Variants in TAOK3 observed in about 807,000 individuals in gnomAD.
TAOK3 encodes the protein TAO kinase 3.
TAOK3 carries 40 observed loss-of-function variants against 120.4 expected under a neutral mutation model. The observed-to-expected ratio is 0.33, with a 90% CI of 0.26 to 0.43. The LOEUF is 0.43. TAOK3 is among the 20% of genes least tolerant of loss of function. TAOK3 has a pLI of 1.00. For synonymous variants in TAOK3, 355 were observed against 387.5 expected, an observed-to-expected ratio of 0.92 and a Z score of 0.99; for missense variants, 821 against 1,112.1, an observed-to-expected ratio of 0.74 and a Z score of 3.72.
Position 118,210,133 on chromosome 12 carries a change from A to G in TAOK3, c.819+2781T>C, listed in dbSNP as rs564018799. ...TTGGGGAGGGGCCTCTTTAAATTCA[A>G]TATTTACCATCAGCCCTTTTACCAG... On this transcript the variant is annotated intron_variant, in intron 11 of 20. Coordinates refer to ENST00000392533, the MANE Select transcript of TAOK3 (RefSeq NM_016281.4). Among the ~76,000 whole-genome samples, 33 of 152,276 alleles carry G rather than the reference A, an allele frequency of 2.2e-4. No individual in the cohort carries two copies. The South Asian group carries it at 5.8e-3, about 27-fold the overall frequency.
intron 1 of TAOK3, among the ~76,000 whole-genome samples, chr12:118,318,200 C>T (rs1182390387): frequency 6.6e-6 from 1 of 150,402 alleles, no homozygotes; most frequent in African/African-American, 2.5e-5. Context: ...GCTCTGTCAC[C>T]AGGCTGGAGC....
intron 1 of TAOK3, among the ~76,000 whole-genome samples, chr12:118,353,567 C>A (rs1339052533): frequency 1.3e-5 from 2 of 151,880 alleles, no homozygotes; most frequent in African/African-American, 4.8e-5. Context: ...GAGTGACATG[C>A]TAGAAGTAGC....
At chr12:118,153,055 C>T (rs2034562852) in intron 19 of TAOK3, among the ~76,000 whole-genome samples, 2 of 152,134 alleles carry the variant, frequency 1.3e-5, no homozygotes, top group South Asian at 4.1e-4. Flanking sequence ...GTAATGTTGG[C>T]ACCTATTGTT....
chr12:118,286,756 G>T (rs549210806), intron 1 of TAOK3, among the ~76,000 whole-genome samples: 8 of 152,154 alleles, frequency 5.3e-5, no homozygotes, highest in Non-Finnish European at 1.0e-4. Flanking sequence ...TATACAAAAA[G>T]ATATTTGCAC....
intron 1 of TAOK3, among the ~76,000 whole-genome samples, chr12:118,338,728 A>C (rs2044470262): frequency 7.4e-6 from 1 of 135,338 alleles, no homozygotes; most frequent in African/African-American, 2.8e-5. Flanking sequence ...CAGAGGTTGC[A>C]GTGAGCCAAG....
At chr12:118,174,619 G>A (rs867917444) in intron 16 of TAOK3, among the ~76,000 whole-genome samples, 19 of 152,150 alleles carry the variant, frequency 1.2e-4, no homozygotes, top group African/African-American at 4.6e-4. Context: ...CAGTGGATGA[G>A]TGGACGCGTG....
In TAOK3 at chr12:118,358,439, TAGG is replaced by T. The variant is rs531464306; in HGVS notation, c.-194+14206_-194+14208del. On this transcript the variant is annotated intron_variant, in intron 1 of 20. Coordinates refer to ENST00000392533, the MANE Select transcript of TAOK3 (RefSeq NM_016281.4). Reference sequence around the variant, plus strand: ...TTCCCTTTCTGTGAATGAAGAAAAATAGGAGGCAGGCTTGTTACTTTTAAAGAT... The same window carrying T: ...TTCCCTTTCTGTGAATGAAGAAAAATAGGCAGGCTTGTTACTTTTAAAGAT... 3.5e-4 allele frequency among the ~76,000 whole-genome samples: 53 copies of T among 152,302 alleles called. 1 individual carries two copies. In the South Asian group the frequency reaches 3.5e-3, roughly 10 times the overall value.
At chr12:118,171,199 A>G (rs1046434434) in intron 17 of TAOK3, among the ~76,000 whole-genome samples, 7 of 152,226 alleles carry the variant, frequency 4.6e-5, no homozygotes, top group Non-Finnish European at 8.8e-5. Context: ...AGGATTAACT[A>G]TCAGTTCTGA....
At chr12:118,222,836 C>T (rs1487270860) in intron 9 of TAOK3, among the ~76,000 whole-genome samples, 1 of 152,042 alleles carries the variant, frequency 6.6e-6, no homozygotes, top group Non-Finnish European at 1.5e-5. Flanking sequence ...GTACAGTACT[C>T]AGGTGACAAG....
At position 118,371,051 on chromosome 12, in the gene TAOK3, A is replaced by G. The variant is rs2045877858; in HGVS notation, c.-194+1597T>C. Among the ~76,000 whole-genome samples the G allele has an allele frequency of 6.6e-6, 1 of 152,254 alleles. No homozygotes were observed. Among genetic ancestry groups the G allele is most frequent in the Non-Finnish European group, 1.5e-5 (1 of 68,046 alleles). On this transcript the variant is annotated intron_variant, in intron 1 of 20. Coordinates refer to ENST00000392533, the MANE Select transcript of TAOK3 (RefSeq NM_016281.4). The surrounding 1 kb of genome is among the most constrained non-coding windows in gnomAD (Gnocchi z 5.5). ...CCAACAGATCAAAGTTAAACAGTCC[A>G]GATTCCAAACCTAGTATAGTTCCTT...
chr12:118,311,901 C>A (rs1018987190), intron 1 of TAOK3, among the ~76,000 whole-genome samples: 3 of 151,888 alleles, frequency 2.0e-5, no homozygotes, highest in African/African-American at 7.3e-5. Context: ...CATGATTTGG[C>A]AGAAGTCAAG....
chr12:118,179,914 G>C (rs149282307), intron 15 of TAOK3, among the ~76,000 whole-genome samples: 2,252 of 149,814 alleles, frequency 0.015, 58 homozygotes, highest in African/African-American at 0.052. Context: ...CCAAAGTGCT[G>C]GGATTACAGG....
intron 12 of TAOK3, 98 bp downstream of exon 12, chr12:118,201,198 T>C (rs1219097439): frequency 7.0e-6 from 8 of 1,144,560 alleles, no homozygotes; most frequent in East Asian, 2.4e-5. Flanking sequence ...ACAGCATCAA[T>C]TAATTTTTAT....
chr12:118,309,784 G>A (rs990483059), intron 1 of TAOK3, among the ~76,000 whole-genome samples: 28 of 152,000 alleles, frequency 1.8e-4, no homozygotes, highest in African/African-American at 6.5e-4. Context: ...CCAAAGTGCT[G>A]AGATTACAGG....
intron 3 of TAOK3, among the ~76,000 whole-genome samples, chr12:118,251,262 T>C (rs2040739095): frequency 6.6e-6 from 1 of 152,194 alleles, no homozygotes; most frequent in Non-Finnish European, 1.5e-5. Flanking sequence ...AAAAATCTAT[T>C]AGCACGGAGT....
chr12:118,174,313 G>C (rs1245237095), intron 16 of TAOK3, among the ~76,000 whole-genome samples: 2 of 150,868 alleles, frequency 1.3e-5, no homozygotes, highest in African/African-American at 4.9e-5. Flanking sequence ...CTTTACTTCA[G>C]AAAAAGTAAT....
chr12:118,230,940 C>T (rs2039752078), intron 9 of TAOK3, among the ~76,000 whole-genome samples: 1 of 152,070 alleles, frequency 6.6e-6, no homozygotes, highest in Non-Finnish European at 1.5e-5. Flanking sequence ...AGAAATTCAT[C>T]AACTCAATAT....
intron 15 of TAOK3, among the ~76,000 whole-genome samples, chr12:118,180,945 A>G (rs1419878731): frequency 1.3e-5 from 2 of 151,822 alleles, no homozygotes; most frequent in African/African-American, 4.8e-5. Context: ...TCCAGGTTCA[A>G]GCAATTCTCC....
intron 1 of TAOK3, among the ~76,000 whole-genome samples, chr12:118,333,503 A>G (rs1200350722): frequency 1.3e-5 from 2 of 152,222 alleles, no homozygotes; most frequent in Non-Finnish European, 2.9e-5. Flanking sequence ...AGGGAAATGC[A>G]TACTATTAAA....
Sources: gnomAD v4.1 joint callset for allele counts (sites outside exome capture counted in the v4.1 genomes callset) on GRCh38, gnomAD v4.1.1 for gene constraint, Gnocchi (gnomAD v3.1) non-coding constraint, MANE v1.5 for transcripts, NCBI Gene and HGNC (gene_info 2026-07-23, HGNC 2026-07-21) for gene names.